The following HSPA12A variants were observed in gnomAD, a reference collection of about 807,000 sequenced individuals.
The protein encoded by HSPA12A is heat shock protein family A (Hsp70) member 12A.
A neutral mutation model predicts 69.2 loss-of-function variants in HSPA12A; 28 were observed. That is an observed-to-expected ratio of 0.40 (90% CI 0.30 to 0.55). The LOEUF is 0.55. Ranked by LOEUF, HSPA12A falls within the 20% of genes least tolerant of loss-of-function variation. The pLI is 0.38. For missense variants in HSPA12A, 686 were observed against 900.7 expected, an observed-to-expected ratio of 0.76 and a Z score of 3.05; for synonymous variants, 345 against 370.5, an observed-to-expected ratio of 0.93 and a Z score of 0.79.
chr10:116,719,432 G>A (rs76718389), intron 1 of HSPA12A, among the ~76,000 whole-genome samples: 4,242 of 152,300 alleles, frequency 0.028, 80 homozygotes, highest in East Asian at 0.075. Flanking sequence ...ACCTCCCTCC[G>A]TCCTTGAGGG....
At chr10:116,834,529 G>A (rs959403755) in intron 2 of HSPA12A, among the ~76,000 whole-genome samples, 3 of 152,254 alleles carry the variant, frequency 2.0e-5, no homozygotes, top group African/African-American at 2.4e-5. Context: ...CCAGAAGAGC[G>A]AGAGGCCATC....
chr10:116,814,945 T>C (rs1341285430), intron 2 of HSPA12A, among the ~76,000 whole-genome samples: 5 of 152,176 alleles, frequency 3.3e-5, no homozygotes, highest in Admixed American at 2.6e-4. Context: ...ACCCATCAGA[T>C]GGAGAGCAGA....
At chr10:116,780,940 G>A (rs894961775) in intron 2 of HSPA12A, among the ~76,000 whole-genome samples, 3 of 152,160 alleles carry the variant, frequency 2.0e-5, no homozygotes, top group African/African-American at 7.2e-5. Context: ...ATAAACTTTT[G>A]CCTATTCAAG....
At chr10:116,850,012 T>C, upstream of HSPA12A, 1 of 597,808 alleles carries the variant, frequency 1.7e-6, no homozygotes, top group Non-Finnish European at 3.0e-6. Flanking sequence ...CTGGCAGGCT[T>C]CCTCGCTGCC....
intron 2 of HSPA12A, among the ~76,000 whole-genome samples, chr10:116,766,076 C>T (rs1461766705): frequency 6.6e-6 from 1 of 152,178 alleles, no homozygotes; most frequent in South Asian, 2.1e-4. Context: ...ATTCACCTTC[C>T]CACCTTTCCT....
At position 116,674,765 on chromosome 10, in the gene HSPA12A, CAGCGGGGCGGG is replaced by C. The variant is rs782526758; in HGVS notation, c.*5_*15del. 153 of 1,591,486 alleles carry C rather than the reference CAGCGGGGCGGG, an allele frequency of 9.6e-5. No individual in the cohort carries two copies. The highest frequency in any genetic ancestry group is 1.7e-4 in the Middle Eastern group (1 of 6,040). ...GATAAGTTGAGTCCAAGGGGACAGG[CAGCGGGGCGGG>C]AGGGTTAGTAATTTAAGAAGTCGAT... On this transcript the variant is annotated 3_prime_UTR_variant, in exon 12 of 12. Coordinates refer to ENST00000369209, the MANE Select transcript of HSPA12A (RefSeq NM_025015.3).
At chr10:116,792,558 C>T (rs1360041660) in intron 2 of HSPA12A, among the ~76,000 whole-genome samples, 2 of 148,518 alleles carry the variant, frequency 1.3e-5, no homozygotes, top group African/African-American at 5.1e-5. Flanking sequence ...AGGCAGACTG[C>T]TTGAGCTCAG....
At chr10:116,741,549 C>G (rs782269403) in intron 1 of HSPA12A, among the ~76,000 whole-genome samples, 19 of 152,248 alleles carry the variant, frequency 1.2e-4, no homozygotes, top group Non-Finnish European at 2.6e-4. Flanking sequence ...ACTTTCCCCA[C>G]TTGGGACCCA....
intron 2 of HSPA12A, among the ~76,000 whole-genome samples, chr10:116,809,267 GC>G (rs1458145205): frequency 6.6e-6 from 1 of 152,108 alleles, no homozygotes; most frequent in Non-Finnish European, 1.5e-5. Context: ...CACCACTGAG[GC>G]TACTCATGAC....
chr10:116,704,059 C>T (rs574055336), intron 3 of HSPA12A, among the ~76,000 whole-genome samples: 86 of 152,324 alleles, frequency 5.6e-4, no homozygotes, highest in African/African-American at 1.8e-3. Flanking sequence ...TGTGGCGATT[C>T]CTCAGGGATC....
At chr10:116,738,807 G>C (rs1851391739) in intron 1 of HSPA12A, among the ~76,000 whole-genome samples, 1 of 152,138 alleles carries the variant, frequency 6.6e-6, no homozygotes, top group African/African-American at 2.4e-5. Flanking sequence ...GTCCCAAGCA[G>C]GGAGGACTGC....
chr10:116,701,200 C>T, intron 3 of HSPA12A, 71 bp from the exon 4 acceptor site: 2 of 1,450,844 alleles, frequency 1.4e-6, no homozygotes, highest in Non-Finnish European at 1.9e-6. Flanking sequence ...CAGATTTGAA[C>T]ACCTACTGTA....
intron 1 of HSPA12A, among the ~76,000 whole-genome samples, chr10:116,731,015 G>A (rs1051797653): frequency 2.6e-5 from 4 of 152,220 alleles, no homozygotes; most frequent in Admixed American, 6.5e-5. Flanking sequence ...GCTTCTCTGC[G>A]CAGCCCGTTC....
intron 6 of HSPA12A, among the ~76,000 whole-genome samples, chr10:116,684,255 C>G (rs545833460): frequency 6.6e-6 from 1 of 152,276 alleles, no homozygotes; most frequent in South Asian, 2.1e-4. Context: ...TGGCTCAGAG[C>G]TGAGCAGCAC....
chr10:116,727,146 C>G (rs1468078066), intron 1 of HSPA12A, among the ~76,000 whole-genome samples: 2 of 152,174 alleles, frequency 1.3e-5, no homozygotes, highest in Admixed American at 1.3e-4. Context: ...CTATTGTAAT[C>G]CAAATATTTC....
At position 116,706,222 on chromosome 10, in the gene HSPA12A, C is replaced by CT. The variant is rs1289430657; in HGVS notation, c.127-945dup. On this transcript the variant is annotated intron_variant, in intron 2 of 11. Transcript: ENST00000369209. ...TTTTTTTTTTTTTAAGCAGTTTACA[C>CT]TTTTTTTTTAACTCCCACAGAACTC... 3.6e-4 allele frequency among the ~76,000 whole-genome samples: 53 copies of CT among 148,532 alleles called. 1 individual carries two copies. The highest frequency in any genetic ancestry group is 7.9e-4 in the East Asian group (4 of 5,064).
chr10:116,778,212 A>T (rs1026278768), intron 2 of HSPA12A, among the ~76,000 whole-genome samples: 15 of 152,186 alleles, frequency 9.9e-5, no homozygotes, highest in African/African-American at 3.6e-4. Context: ...ATTTCCAAGC[A>T]ATATATTATT....
At chr10:116,755,266 T>C (rs1157202159) in intron 2 of HSPA12A, among the ~76,000 whole-genome samples, 1 of 152,106 alleles carries the variant, frequency 6.6e-6, no homozygotes, top group Non-Finnish European at 1.5e-5. Flanking sequence ...CCATGTATTT[T>C]TAAATGTTAA....
At chr10:116,779,524 C>A (rs1844416830) in intron 2 of HSPA12A, among the ~76,000 whole-genome samples, 1 of 152,116 alleles carries the variant, frequency 6.6e-6, no homozygotes, top group African/African-American at 2.4e-5. Context: ...TGACACTCTG[C>A]CTGGTCAGTA....
Sources: allele counts gnomAD v4.1 joint callset (sites outside exome capture counted in the v4.1 genomes callset), GRCh38; gene constraint gnomAD v4.1.1; transcripts MANE v1.5; gene names NCBI Gene and HGNC (gene_info 2026-07-23, HGNC 2026-07-21).